Variants in TECPR2 observed in about 807,000 individuals in gnomAD.
TECPR2 encodes the protein tectonin beta-propeller repeat-containing protein 2.
A neutral mutation model predicts 138.1 loss-of-function variants in TECPR2; 65 were observed. The observed-to-expected ratio is 0.47, with a 90% CI of 0.39 to 0.58. TECPR2 has a LOEUF of 0.58. Among genes scored for constraint, TECPR2 ranks in the 20% least tolerant of loss-of-function variants. The pLI, the probability that TECPR2 is intolerant of heterozygous loss-of-function variation, is 0.00. For missense variants in TECPR2, 1,553 were observed against 1,824.5 expected (o/e 0.85, Z 2.71); for synonymous variants, 746 against 749.8 (o/e 0.99, Z 0.08).
chr14:102,375,270 C>T (rs2139654901), intron 1 of TECPR2, among the ~76,000 whole-genome samples: 1 of 152,112 alleles, frequency 6.6e-6, no homozygotes. Flanking sequence ...CACTTGAGCC[C>T]AGGAGTTTGA....
intron 17 of TECPR2, among the ~76,000 whole-genome samples, chr14:102,474,834 G>A (rs1890724479): frequency 6.6e-6 from 1 of 151,964 alleles, no homozygotes; most frequent in African/African-American, 2.4e-5. Context: ...CCAGTAGGTT[G>A]TCCCCCCTTC....
At chr14:102,416,710 A>G (rs116968800) in intron 5 of TECPR2, among the ~76,000 whole-genome samples, 6,074 of 151,938 alleles carry the variant, frequency 0.04, 139 homozygotes, top group Middle Eastern at 0.093. Context: ...TTGGCCGGAC[A>G]CAGTGGCTCA....
chr14:102,435,342 G>T lies in TECPR2; in HGVS notation c.2394+131G>T. The T allele has an allele frequency of 1.0e-5, 14 of 1,340,450 alleles. No individual in the cohort carries two copies. In the South Asian group the frequency reaches 2.1e-4, roughly 20 times the overall value. 83.0% of individuals were successfully genotyped at this position (1,340,450 alleles called of 1,614,324 possible). ...ACTGCAAAATCCGTAGGCCAACTCT[G>T]TTTTCAAGTCTGGGTTTCAGGGGAT... On this transcript the variant is annotated intron_variant, in intron 9 of 19. Coordinates refer to ENST00000359520, the MANE Select transcript of TECPR2 (RefSeq NM_014844.5).
chr14:102,477,617 C>T (rs1489502599), intron 17 of TECPR2, among the ~76,000 whole-genome samples: 1 of 140,978 alleles, frequency 7.1e-6, no homozygotes, highest in African/African-American at 2.6e-5. Flanking sequence ...GTGGTGCGAT[C>T]TCGGCTCACT....
chr14:102,424,153 AGCATATT>A (rs1889254209), intron 5 of TECPR2, among the ~76,000 whole-genome samples: 1 of 152,250 alleles, frequency 6.6e-6, no homozygotes. Context: ...TAAATGGTAC[AGCATATT>A]GCTCCTGGGC....
intron 2 of TECPR2, among the ~76,000 whole-genome samples, chr14:102,403,533 G>A (rs1177158935): frequency 6.6e-6 from 1 of 152,168 alleles, no homozygotes; most frequent in Non-Finnish European, 1.5e-5. Context: ...AGAGTCATTA[G>A]CCAAGAAAAA....
chr14:102,431,404 G>A (rs561082275), intron 7 of TECPR2, among the ~76,000 whole-genome samples: 47 of 143,300 alleles, frequency 3.3e-4, no homozygotes, highest in Non-Finnish European at 4.8e-4. Context: ...GTGCAGTGGC[G>A]CAATCTCGGC....
chr14:102,457,449 A>C (rs1446517029), intron 16 of TECPR2, among the ~76,000 whole-genome samples: 1 of 152,204 alleles, frequency 6.6e-6, no homozygotes, highest in Non-Finnish European at 1.5e-5. Flanking sequence ...CTGTCTGCCC[A>C]GGAGCCCGTG....
intron 17 of TECPR2, among the ~76,000 whole-genome samples, chr14:102,470,863 G>C (rs943784519): frequency 6.7e-6 from 1 of 149,992 alleles, no homozygotes; most frequent in Non-Finnish European, 1.5e-5. Context: ...CTGTCGCCCA[G>C]GCTGGAGTGC....
chr14:102,428,215 GTTTTTTGTTTTTT>G (rs1243565694), intron 6 of TECPR2, 22 bp from the exon 7 acceptor site: 5 of 1,309,924 alleles, frequency 3.8e-6, no homozygotes, highest in South Asian at 1.4e-5. Flanking sequence ...TTAGTTTTGT[GTTTTTTGTTTTTT>G]TTTTTTTTTT....
At chr14:102,370,752 G>A (rs1039216618) in intron 1 of TECPR2, among the ~76,000 whole-genome samples, 2 of 152,204 alleles carry the variant, frequency 1.3e-5, no homozygotes, top group Non-Finnish European at 2.9e-5. Context: ...ATGACGGGGA[G>A]GGAGAGGCGG....
chr14:102,430,358 A>C (rs921217290), intron 7 of TECPR2, among the ~76,000 whole-genome samples: 4 of 152,226 alleles, frequency 2.6e-5, no homozygotes, highest in African/African-American at 9.6e-5. Flanking sequence ...GCTCTAGGCA[A>C]GATCTGCCAT....
chr14:102,415,099 T>G lies in TECPR2; in HGVS notation c.638+306T>G, dbSNP rs765590908. ...GGTGGCCTGGTCTATCTGTTCCTTG[T>G]GGAGCCACCTCCTCCACACAGCCCT... On this transcript the variant is annotated intron_variant, in intron 5 of 19. Coordinates refer to ENST00000359520, the MANE Select transcript of TECPR2 (RefSeq NM_014844.5). The surrounding 1 kb of genome is among the most constrained non-coding windows in gnomAD (Gnocchi z 4.3). Among the ~76,000 whole-genome samples, 6 of 152,104 alleles carry G rather than the reference T, an allele frequency of 3.9e-5. No individual in the cohort carries two copies. The highest frequency in any genetic ancestry group is 8.8e-5 in the Non-Finnish European group (6 of 68,010).
chr14:102,501,665 CAAT>C lies in TECPR2; in HGVS notation c.*3411_*3413del, dbSNP rs1331163067. On this transcript the variant is annotated 3_prime_UTR_variant, in exon 20 of 20. Coordinates refer to ENST00000359520, the MANE Select transcript of TECPR2 (RefSeq NM_014844.5). ...ATATTTACCTTAAAAACCTATACAACAATAAGAGGAGTGCGCCCTTCAGCAGCA... is the reference window on the plus strand; with the variant it reads ...ATATTTACCTTAAAAACCTATACAACAAGAGGAGTGCGCCCTTCAGCAGCA... 3 of 152,260 alleles carry C rather than the reference CAAT, an allele frequency of 2.0e-5. No homozygotes were observed. Among genetic ancestry groups the C allele is most frequent in the Non-Finnish European group, 2.9e-5 (2 of 68,024 alleles). 9.4% of individuals were successfully genotyped at this position (152,260 alleles called of 1,614,324 possible). A position where few individuals can be genotyped will look rare whatever the true frequency, so the allele number is the denominator to read the frequency against.
intron 1 of TECPR2, among the ~76,000 whole-genome samples, chr14:102,365,550 G>A (rs3759564): frequency 0.027 from 4,155 of 152,288 alleles, 75 homozygotes; most frequent in Middle Eastern, 0.086. Flanking sequence ...AAAAAGGAAC[G>A]AAGTACTGAT....
chr14:102,480,835 T>G, intron 17 of TECPR2, among the ~76,000 whole-genome samples: 1 of 128,560 alleles, frequency 7.8e-6, no homozygotes, highest in Non-Finnish European at 1.6e-5. Flanking sequence ...TGTTTTTTGG[T>G]TTTGGGTTTT....
Position 102,420,731 on chromosome 14 carries a change from A to G in TECPR2, c.639-4248A>G, listed in dbSNP as rs1001047422. ...AGCAGTCCTCCCTCCTTGGCCTCCA[A>G]AAGTGCTGGGATTACAGGTGTGAGC... On this transcript the variant is annotated intron_variant, in intron 5 of 19. Transcript: ENST00000359520. This position sits in a 1 kb window ranked among gnomAD's most constrained non-coding sequence, Gnocchi z 4.1. Among the ~76,000 whole-genome samples the G allele has an allele frequency of 1.3e-5, 2 of 152,122 alleles. No homozygotes were observed. The highest frequency in any genetic ancestry group is 4.8e-5 in the African/African-American group (2 of 41,422).
intron 11 of TECPR2, 47 bp downstream of exon 11, chr14:102,440,656 C>T: frequency 1.3e-6 from 2 of 1,591,870 alleles, no homozygotes; most frequent in Non-Finnish European, 1.7e-6. Flanking sequence ...GCCGTCACTG[C>T]CTCTGCTGCA....
intron 1 of TECPR2, among the ~76,000 whole-genome samples, chr14:102,368,011 T>G (rs1567310863): frequency 7.3e-6 from 1 of 137,028 alleles, no homozygotes; most frequent in Non-Finnish European, 1.6e-5. Context: ...TTTTTTTTTT[T>G]TTTTTTTTTT....
Sources: allele counts gnomAD v4.1 joint callset (sites outside exome capture counted in the v4.1 genomes callset), GRCh38; gene constraint gnomAD v4.1.1; non-coding constraint Gnocchi (gnomAD v3.1); transcripts MANE v1.5; gene names NCBI Gene and HGNC (gene_info 2026-07-23, HGNC 2026-07-21).